Variants in GABBR2 observed in about 807,000 individuals in gnomAD.
GABBR2 encodes the protein gamma-aminobutyric acid type B receptor subunit 2, also known as G-protein coupled receptor 51.
In GABBR2, 23 loss-of-function variants were observed where a neutral mutation model predicts 105.6. The observed-to-expected ratio is 0.22, with a 90% CI of 0.16 to 0.31. GABBR2 has a LOEUF of 0.31. Among genes scored for constraint, GABBR2 ranks in the 10% least tolerant of loss-of-function variants. The pLI, the probability that GABBR2 is intolerant of heterozygous loss-of-function variation, is 1.00. For synonymous variants in GABBR2, 478 were observed against 499.7 expected, an observed-to-expected ratio of 0.96 and a Z score of 0.58; for missense variants, 734 against 1,245.5, an observed-to-expected ratio of 0.59 and a Z score of 6.18.
chr9:98,325,098 T>C (rs982028225), intron 13 of GABBR2, among the ~76,000 whole-genome samples: 1 of 152,102 alleles, frequency 6.6e-6, no homozygotes, highest in Non-Finnish European at 1.5e-5. Context: ...AGTCTTTCTT[T>C]GCATACCTCT....
intron 1 of GABBR2, among the ~76,000 whole-genome samples, chr9:98,664,744 A>G (rs1352314204): frequency 2.0e-5 from 3 of 152,190 alleles, no homozygotes; most frequent in Non-Finnish European, 1.5e-5. Flanking sequence ...AGAGGGAACT[A>G]GACAAACCCT....
chr9:98,692,241 G>A (rs550000810), intron 1 of GABBR2, among the ~76,000 whole-genome samples: 18 of 152,128 alleles, frequency 1.2e-4, no homozygotes, highest in Admixed American at 4.6e-4. Context: ...GGCCCAGGGC[G>A]TGGCAGGAGG....
At chr9:98,332,717 C>T (rs7859713) in intron 13 of GABBR2, among the ~76,000 whole-genome samples, 64,497 of 152,064 alleles carry the variant, frequency 0.42, 13,806 homozygotes, top group Middle Eastern at 0.47. Context: ...TGCAATCTCT[C>T]GTCAGCTGGC....
At chr9:98,366,854 G>A (rs567363720) in intron 12 of GABBR2, among the ~76,000 whole-genome samples, 1 of 152,274 alleles carries the variant, frequency 6.6e-6, no homozygotes, top group South Asian at 2.1e-4. Flanking sequence ...AGTCATATTT[G>A]TAGTGAACTT....
In GABBR2 at chr9:98,454,582, T is replaced by C. The variant is rs1826293372; in HGVS notation, c.1000-365A>G. Reference sequence around the variant, plus strand: ...GGGTGAGGTAGAGGCCCATATCCCGTATGTCTAAATGTTAAAGTTATAGCA... The same window carrying C: ...GGGTGAGGTAGAGGCCCATATCCCGCATGTCTAAATGTTAAAGTTATAGCA... On this transcript the variant is annotated intron_variant, in intron 6 of 18. Coordinates refer to ENST00000259455, the MANE Select transcript of GABBR2 (RefSeq NM_005458.8). The surrounding 1 kb of genome is among the most constrained non-coding windows in gnomAD (Gnocchi z 4.6). Among the ~76,000 whole-genome samples, 1 of 152,162 alleles carries C rather than the reference T, an allele frequency of 6.6e-6. No homozygotes were observed. Among genetic ancestry groups the C allele is most frequent in the Non-Finnish European group, 1.5e-5 (1 of 68,010 alleles).
At chr9:98,565,026 C>G (rs1564115999) in intron 2 of GABBR2, among the ~76,000 whole-genome samples, 2 of 152,154 alleles carry the variant, frequency 1.3e-5, no homozygotes, top group African/African-American at 2.4e-5. Context: ...GGCAACAGCT[C>G]TTGAGCTGTG....
chr9:98,473,393 C>A, intron 5 of GABBR2, 47 bp from the exon 6 acceptor site: 2 of 1,298,496 alleles, frequency 1.5e-6, no homozygotes. Context: ...TCGCACAGTT[C>A]AAGGCTCTGT....
intron 2 of GABBR2, among the ~76,000 whole-genome samples, chr9:98,546,255 CTAAT>C (rs200863357): frequency 0.01 from 1,528 of 152,264 alleles, 25 homozygotes; most frequent in African/African-American, 0.035. Context: ...TATAACCAAA[CTAAT>C]TATATTATCA....
At chr9:98,599,428 G>A (rs10819073) in intron 1 of GABBR2, among the ~76,000 whole-genome samples, 95,824 of 152,132 alleles carry the variant, frequency 0.63, 30,562 homozygotes, top group Non-Finnish European at 0.66. Flanking sequence ...CTCTCAACCT[G>A]GGACCTGCAA....
chr9:98,575,052 C>T (rs1016143119), intron 2 of GABBR2, among the ~76,000 whole-genome samples: 7 of 150,552 alleles, frequency 4.6e-5, no homozygotes, highest in Middle Eastern at 3.4e-3. Context: ...AAGCTCACAG[C>T]CCAGCTGGAG....
At chr9:98,343,293 G>A (rs892547445) in intron 13 of GABBR2, among the ~76,000 whole-genome samples, 3 of 152,302 alleles carry the variant, frequency 2.0e-5, no homozygotes, top group East Asian at 1.9e-4. Flanking sequence ...AGAAGACTTC[G>A]GGGTGTGCAG....
rs996655030 is a variant in GABBR2 at position 98,577,455 on chromosome 9, A to G, written c.459+480T>C. Among the ~76,000 whole-genome samples the G allele has an allele frequency of 2.0e-5, 3 of 152,242 alleles. No individual in the cohort carries two copies. In the South Asian group the frequency reaches 6.2e-4, roughly 31 times the overall value. On this transcript the variant is annotated intron_variant, in intron 2 of 18. Coordinates refer to ENST00000259455, the MANE Select transcript of GABBR2 (RefSeq NM_005458.8). The stretch of plus-strand genomic sequence containing the variant: ...CTTAACCGAGGACAAAGGCAGTCGT[A>G]GATAACAAAAGAGAATCTCAGTGGG...
chr9:98,322,072 C>T (rs1256759578), intron 13 of GABBR2, among the ~76,000 whole-genome samples: 3 of 152,094 alleles, frequency 2.0e-5, no homozygotes, highest in East Asian at 1.9e-4. Context: ...GAATTGCTCC[C>T]CCATCATTTC....
chr9:98,572,875 C>T (rs1828852069), intron 2 of GABBR2, among the ~76,000 whole-genome samples: 1 of 152,214 alleles, frequency 6.6e-6, no homozygotes, highest in Non-Finnish European at 1.5e-5. Flanking sequence ...CCAGCATGCC[C>T]CATCCACGTC....
chr9:98,409,884 T>C (rs1832555194), intron 7 of GABBR2, among the ~76,000 whole-genome samples: 1 of 152,204 alleles, frequency 6.6e-6, no homozygotes. Context: ...ATAAACTTCC[T>C]GTATGCAAAT....
chr9:98,413,246 G>T (rs1050572916), intron 7 of GABBR2, among the ~76,000 whole-genome samples: 1 of 152,158 alleles, frequency 6.6e-6, no homozygotes, highest in East Asian at 1.9e-4. Flanking sequence ...GACAGCACTG[G>T]TCTCAAAGAA....
intron 1 of GABBR2, among the ~76,000 whole-genome samples, chr9:98,630,696 A>G (rs1829804553): frequency 6.6e-6 from 1 of 152,206 alleles, no homozygotes; most frequent in South Asian, 2.1e-4. Flanking sequence ...CAAGCCAGCA[A>G]AGACCACCCA....
At chr9:98,350,791 T>C (rs926940521) in intron 13 of GABBR2, among the ~76,000 whole-genome samples, 2 of 152,204 alleles carry the variant, frequency 1.3e-5, no homozygotes, top group African/African-American at 4.8e-5. Context: ...GACACTTCTT[T>C]GTTGAGTTTC....
Position 98,638,882 on chromosome 9 carries a change from T to C in GABBR2, c.322-60810A>G, listed in dbSNP as rs115873161. Among the ~76,000 whole-genome samples, 628 of 152,338 alleles carry C rather than the reference T, an allele frequency of 4.1e-3. 1 individual carries two copies. Among genetic ancestry groups the C allele is most frequent in the African/African-American group, 0.014 (582 of 41,572 alleles). ...TTAAAAAGTTAATCACTTCTGTCTT[T>C]AGATGAATGCACACTTACACATAGA... On this transcript the variant is annotated intron_variant, in intron 1 of 18. Coordinates refer to ENST00000259455, the MANE Select transcript of GABBR2 (RefSeq NM_005458.8).
Sources: gnomAD v4.1 joint callset for allele counts (sites outside exome capture counted in the v4.1 genomes callset) on GRCh38, gnomAD v4.1.1 for gene constraint, Gnocchi (gnomAD v3.1) non-coding constraint, MANE v1.5 for transcripts, NCBI Gene and HGNC (gene_info 2026-07-23, HGNC 2026-07-21) for gene names.